FLT3: variants seen among roughly 807,000 people sequenced by gnomAD.
The protein encoded by FLT3 is fms related receptor tyrosine kinase 3.
A neutral mutation model predicts 126.6 loss-of-function variants in FLT3; 46 were observed. That is an observed-to-expected ratio of 0.36 (90% confidence interval 0.29 to 0.46). The LOEUF (loss-of-function observed/expected upper bound fraction) is 0.46. FLT3 is among the 20% of genes least tolerant of loss of function. FLT3 has a pLI of 1.00. For synonymous variants in FLT3, 404 were observed against 434.4 expected (o/e 0.93, Z 0.87); for missense variants, 1,069 against 1,190.3 (o/e 0.90, Z 1.50).
chr13:28,073,795 C>T (rs1343133941), intron 1 of FLT3, among the ~76,000 whole-genome samples: 1 of 151,768 alleles, frequency 6.6e-6, no homozygotes, highest in Non-Finnish European at 1.5e-5. Context: ...AAAACATTAG[C>T]CAAGTGTGGT....
At chr13:28,048,609 C>T (rs986411588) in intron 8 of FLT3, among the ~76,000 whole-genome samples, 166 bp from the exon 9 acceptor site, 2 of 152,052 alleles carry the variant, frequency 1.3e-5, no homozygotes, top group Non-Finnish European at 2.9e-5. Context: ...GGAGTCCTAT[C>T]CCTAGTTCTA....
At chr13:28,064,541 C>A (rs1042610500) in intron 2 of FLT3, among the ~76,000 whole-genome samples, 1 of 151,488 alleles carries the variant, frequency 6.6e-6, no homozygotes, top group African/African-American at 2.4e-5. Flanking sequence ...TACTGTACTC[C>A]AGCCTGGGCG....
chr13:28,003,893 GA>G lies in FLT3; in HGVS notation c.*158del. 2.5e-6 allele frequency: 2 copies of G among 786,886 alleles called. No individual in the cohort carries two copies. Among genetic ancestry groups the G allele is most frequent in the South Asian group, 3.7e-5 (2 of 53,748 alleles). 48.7% of individuals were successfully genotyped at this position (786,886 alleles called of 1,614,324 possible). ...GATTTGATTTTACAAAAGTCCCTTTGAAAACAAGAGTAAACGCAGACAGCTT... is the reference window on the plus strand; with the variant it reads ...GATTTGATTTTACAAAAGTCCCTTTGAAACAAGAGTAAACGCAGACAGCTT... On this transcript the variant is annotated 3_prime_UTR_variant, in exon 24 of 24. Coordinates refer to ENST00000241453, the MANE Select transcript of FLT3 (RefSeq NM_004119.3).
At position 28,029,586 on chromosome 13, in the gene FLT3, TTTTG is replaced by T. The variant is rs367595738; in HGVS notation, c.1943-1302_1943-1299del. Among the ~76,000 whole-genome samples the T allele has an allele frequency of 8.2e-4, 125 of 152,224 alleles. 2 individuals are homozygous for T. The highest frequency in any genetic ancestry group is 3.0e-3 in the African/African-American group (123 of 41,540). Reference sequence around the variant, plus strand: ...AGTTAACAGAAGGGAGAAACGTCCTTTTTGTTTGTTTGTTTGAACTCTTGGATCT... The same window carrying T: ...AGTTAACAGAAGGGAGAAACGTCCTTTTTGTTTGTTTGAACTCTTGGATCT... On this transcript the variant is annotated intron_variant, in intron 15 of 23. Coordinates refer to ENST00000241453, the MANE Select transcript of FLT3 (RefSeq NM_004119.3).
intron 5 of FLT3, among the ~76,000 whole-genome samples, chr13:28,051,048 ATTC>A (rs1429029559): frequency 1.3e-5 from 2 of 152,208 alleles, no homozygotes; most frequent in African/African-American, 2.4e-5. Context: ...TGTCATCCGC[ATTC>A]TTCTGATGAG....
chr13:28,091,064 G>A (rs1407764666), intron 1 of FLT3, among the ~76,000 whole-genome samples: 1 of 151,990 alleles, frequency 6.6e-6, no homozygotes, highest in Admixed American at 6.6e-5. Flanking sequence ...AAACAAACCA[G>A]AGGATGTCAA....
chr13:28,057,534 A>G, intron 3 of FLT3, 72 bp from the exon 4 acceptor site: 1 of 789,218 alleles, frequency 1.3e-6, no homozygotes, highest in Non-Finnish European at 2.3e-6. Flanking sequence ...CATAGTGACT[A>G]AAAAGGCAGT....
chr13:28,067,346 A>G (rs1877127092), intron 2 of FLT3, among the ~76,000 whole-genome samples: 1 of 152,202 alleles, frequency 6.6e-6, no homozygotes, highest in Admixed American at 6.6e-5. Flanking sequence ...TTTAAAAATT[A>G]AAGCTGGGTA....
intron 19 of FLT3, among the ~76,000 whole-genome samples, chr13:28,018,909 G>A (rs975375718): frequency 6.6e-6 from 1 of 152,012 alleles, no homozygotes; most frequent in Admixed American, 6.5e-5. Context: ...CCTTCAGAGG[G>A]AATCTCAGAG....
intron 3 of FLT3, among the ~76,000 whole-genome samples, chr13:28,059,852 C>T (rs1273217325): frequency 1.3e-5 from 2 of 151,728 alleles, no homozygotes; most frequent in Non-Finnish European, 2.9e-5. Context: ...CCCAGCTACT[C>T]GGGAGGCTGA....
At chr13:28,011,821 A>G (rs752639692) in intron 23 of FLT3, among the ~76,000 whole-genome samples, 2 of 141,942 alleles carry the variant, frequency 1.4e-5, no homozygotes, top group Non-Finnish European at 3.0e-5. Context: ...TTTTTGAGAT[A>G]GAGTCTCACT....
chr13:28,082,727 G>A (rs947083507), intron 1 of FLT3, among the ~76,000 whole-genome samples: 14 of 149,824 alleles, frequency 9.3e-5, no homozygotes, highest in South Asian at 2.1e-4. Flanking sequence ...TTTTTGAGAC[G>A]GAGTCTTGCT....
At chr13:28,030,384 G>T (rs903341194) in intron 15 of FLT3, among the ~76,000 whole-genome samples, 7 of 152,038 alleles carry the variant, frequency 4.6e-5, no homozygotes, top group African/African-American at 1.4e-4. Flanking sequence ...GCATTTTCAT[G>T]TACCATTACC....
At chr13:28,099,885 A>G (rs1879705252) in intron 1 of FLT3, among the ~76,000 whole-genome samples, 1 of 152,204 alleles carries the variant, frequency 6.6e-6, no homozygotes, top group Admixed American at 6.5e-5. Context: ...AATATTTCCT[A>G]GGTAAACTAT....
chr13:28,023,218 G>A (rs1872544547), intron 19 of FLT3, 132 bp downstream of exon 19: 5 of 892,752 alleles, frequency 5.6e-6, no homozygotes, highest in African/African-American at 1.7e-5. Context: ...AACACGCTAG[G>A]TGACTCCAAC....
chr13:28,091,257 T>C (rs1879032477), intron 1 of FLT3, among the ~76,000 whole-genome samples: 2 of 125,146 alleles, frequency 1.6e-5, no homozygotes, highest in Admixed American at 9.0e-5. Context: ...AGTCTCGCTC[T>C]GTCGCCCAGG....
rs750430790 is a variant in FLT3 at position 28,034,283 on chromosome 13, T to G, written c.1704+18A>C. On this transcript the variant is annotated intron_variant, in intron 13 of 23. Coordinates refer to ENST00000241453, the MANE Select transcript of FLT3 (RefSeq NM_004119.3). The stretch of plus-strand genomic sequence containing the variant: ...GCAGATAGAGGAAAGAATAATGAAT[T>G]TTTACCTTTGCTTTTACCTTTTTGT... The G allele has an allele frequency of 6.2e-7, 1 of 1,613,382 alleles. No homozygotes were observed. The highest frequency in any genetic ancestry group is 8.5e-7 in the Non-Finnish European group (1 of 1,179,390).
chr13:28,047,666 T>G (rs1593258182), intron 9 of FLT3, among the ~76,000 whole-genome samples: 1 of 145,494 alleles, frequency 6.9e-6, no homozygotes, highest in Non-Finnish European at 1.5e-5. Flanking sequence ...GAGCCAATAT[T>G]GCACCACTGC....
At chr13:28,046,623 G>T (rs1266263043) in intron 9 of FLT3, among the ~76,000 whole-genome samples, 1 of 151,746 alleles carries the variant, frequency 6.6e-6, no homozygotes, top group Non-Finnish European at 1.5e-5. Context: ...TTTGAGGCAG[G>T]TTCTTGCTCT....
Sources: allele counts gnomAD v4.1 joint callset (sites outside exome capture counted in the v4.1 genomes callset), GRCh38; gene constraint gnomAD v4.1.1; transcripts MANE v1.5; gene names NCBI Gene and HGNC (gene_info 2026-07-23, HGNC 2026-07-21).